ROBO1: variants seen among roughly 807,000 people sequenced by gnomAD.
The protein encoded by ROBO1 is roundabout guidance receptor 1, also known as roundabout homolog 1.
ROBO1 carries 149 observed loss-of-function variants against 195.9 expected under a neutral mutation model. The observed-to-expected ratio is 0.76, with a 90% CI of 0.67 to 0.87. The LOEUF is 0.87. Ranked by LOEUF, ROBO1 falls within the 40% of genes least tolerant of loss-of-function variation. The pLI is 0.00. For missense variants in ROBO1, 1,933 were observed against 2,068.3 expected (o/e 0.93, Z 1.27); for synonymous variants, 816 against 733.2 (o/e 1.11, Z -1.82).
At chr3:79,365,433 G>C (rs983612247) in intron 2 of ROBO1, among the ~76,000 whole-genome samples, 2 of 152,126 alleles carry the variant, frequency 1.3e-5, no homozygotes, top group Non-Finnish European at 2.9e-5. Flanking sequence ...TGCGTCGGTT[G>C]CTACTTAGTC....
chr3:79,302,624 T>C (rs776510480), intron 2 of ROBO1, among the ~76,000 whole-genome samples: 1 of 152,212 alleles, frequency 6.6e-6, no homozygotes, highest in Non-Finnish European at 1.5e-5. Flanking sequence ...AAGTATTATA[T>C]ATTTAGACAC....
At chr3:79,612,211 G>A (rs1024719334) in intron 1 of ROBO1, among the ~76,000 whole-genome samples, 1 of 147,082 alleles carries the variant, frequency 6.8e-6, no homozygotes, top group African/African-American at 2.5e-5. Flanking sequence ...CCCAGAGTGT[G>A]ATATTCCCCT....
chr3:79,505,246 C>T (rs1378562911), intron 2 of ROBO1, among the ~76,000 whole-genome samples: 1 of 151,066 alleles, frequency 6.6e-6, no homozygotes, highest in Non-Finnish European at 1.5e-5. Flanking sequence ...CTTTCTACTT[C>T]TGTTCAGACC....
intron 2 of ROBO1, among the ~76,000 whole-genome samples, chr3:79,539,942 C>T (rs1435820321): frequency 6.6e-6 from 1 of 151,910 alleles, no homozygotes; most frequent in Non-Finnish European, 1.5e-5. Context: ...TATGTGACCC[C>T]CAAGTTGGAC....
At chr3:78,837,465 T>C (rs1266808011) in intron 4 of ROBO1, among the ~76,000 whole-genome samples, 1 of 152,142 alleles carries the variant, frequency 6.6e-6, no homozygotes, top group Non-Finnish European at 1.5e-5. Context: ...TTCTATCTAG[T>C]AAATCAATAG....
chr3:79,317,414 T>C (rs1158195951), intron 2 of ROBO1, among the ~76,000 whole-genome samples: 1 of 152,144 alleles, frequency 6.6e-6, no homozygotes, highest in Non-Finnish European at 1.5e-5. Flanking sequence ...CTTCCATATC[T>C]CCATATTTTA....
intron 4 of ROBO1, among the ~76,000 whole-genome samples, chr3:78,833,776 C>T (rs1227405833): frequency 6.6e-6 from 1 of 151,818 alleles, no homozygotes; most frequent in Non-Finnish European, 1.5e-5. Context: ...CAGTTAGGTA[C>T]AAAAATTCTG....
chr3:79,762,815 A>G (rs553824417), intron 1 of ROBO1, among the ~76,000 whole-genome samples: 6 of 152,326 alleles, frequency 3.9e-5, no homozygotes, highest in African/African-American at 1.2e-4. Flanking sequence ...AACTTGTTGC[A>G]CATGACTTCA....
At chr3:79,721,718 A>C (rs1702710647) in intron 1 of ROBO1, among the ~76,000 whole-genome samples, 1 of 152,232 alleles carries the variant, frequency 6.6e-6, no homozygotes, top group African/African-American at 2.4e-5. Flanking sequence ...GACCCTAATT[A>C]GTGGTGTCGA....
chr3:79,259,315 T>C (rs1034447644), intron 2 of ROBO1, among the ~76,000 whole-genome samples: 5 of 152,020 alleles, frequency 3.3e-5, no homozygotes, highest in Non-Finnish European at 5.9e-5. Context: ...TTGTAATTTT[T>C]ATTTTGTAGA....
At chr3:79,608,489 T>C (rs1944557820) in intron 1 of ROBO1, among the ~76,000 whole-genome samples, 1 of 151,926 alleles carries the variant, frequency 6.6e-6, no homozygotes, top group Non-Finnish European at 1.5e-5. Flanking sequence ...CTCTAGCAGT[T>C]AGTGACACAG....
intron 3 of ROBO1, among the ~76,000 whole-genome samples, chr3:79,060,862 A>G (rs552638528): frequency 5.1e-4 from 77 of 152,242 alleles, no homozygotes; most frequent in African/African-American, 1.8e-3. Flanking sequence ...AAATAATAAG[A>G]GCTATTTATG....
At chr3:79,707,997 C>A (rs1184271936) in intron 1 of ROBO1, among the ~76,000 whole-genome samples, 1 of 152,108 alleles carries the variant, frequency 6.6e-6, no homozygotes, top group Non-Finnish European at 1.5e-5. Flanking sequence ...ATGTTAGATT[C>A]TCATACAAGG....
intron 3 of ROBO1, among the ~76,000 whole-genome samples, chr3:78,982,133 C>A (rs1332773466): frequency 6.6e-6 from 1 of 152,162 alleles, no homozygotes; most frequent in Non-Finnish European, 1.5e-5. Context: ...CCCGCAAGAG[C>A]TCTGAGGACA....
intron 2 of ROBO1, among the ~76,000 whole-genome samples, chr3:79,489,482 C>A (rs527395797): frequency 6.6e-6 from 1 of 151,670 alleles, no homozygotes; most frequent in African/African-American, 2.4e-5. Flanking sequence ...GGTGAAACCC[C>A]GTCTCTAATA....
At chr3:79,325,546 G>C (rs141425931) in intron 2 of ROBO1, among the ~76,000 whole-genome samples, 1 of 152,162 alleles carries the variant, frequency 6.6e-6, no homozygotes, top group South Asian at 2.1e-4. Context: ...GACCCCAAAC[G>C]GAGGGACCGG....
chr3:79,659,331 A>T (rs7431260), intron 1 of ROBO1, among the ~76,000 whole-genome samples: 89,209 of 151,884 alleles, frequency 0.59, 26,583 homozygotes, highest in African/African-American at 0.67. Flanking sequence ...TCTTGACTAA[A>T]TTAGAGAAAA....
intron 4 of ROBO1, among the ~76,000 whole-genome samples, chr3:78,892,032 T>C (rs922142069): frequency 2.0e-5 from 3 of 152,204 alleles, no homozygotes; most frequent in Non-Finnish European, 2.9e-5. Flanking sequence ...TATTCACCAA[T>C]AGTCATTGGA....
intron 3 of ROBO1, among the ~76,000 whole-genome samples, chr3:79,000,100 G>C (rs568412192): frequency 6.6e-6 from 1 of 152,036 alleles, no homozygotes; most frequent in Admixed American, 6.6e-5. Flanking sequence ...ACTTATAAAG[G>C]AAAGAGGTTT....
Sources: allele counts gnomAD v4.1 joint callset (sites outside exome capture counted in the v4.1 genomes callset), GRCh38; gene constraint gnomAD v4.1.1; transcripts MANE v1.5; gene names NCBI Gene and HGNC (gene_info 2026-07-23, HGNC 2026-07-21).